Variants in RIMS2 observed in about 807,000 individuals in gnomAD.
RIMS2 encodes regulating synaptic membrane exocytosis 2, also known as regulating synaptic membrane exocytosis protein 2.
In RIMS2, 59 loss-of-function variants were observed where a neutral mutation model predicts 174.4. That is an observed-to-expected ratio of 0.34 (90% CI 0.27 to 0.42). The LOEUF is 0.42. Ranked by LOEUF, RIMS2 falls within the 10% of genes least tolerant of loss-of-function variation. The probability of loss-of-function intolerance (pLI) is 1.00; values close to 1 mark genes in which losing one functional copy is unlikely to be tolerated. For missense variants in RIMS2, 1,620 were observed against 1,666.3 expected (o/e 0.97, Z 0.48); for synonymous variants, 606 against 572.5 (o/e 1.06, Z -0.84).
At chr8:103,708,031 A>G (rs562222969) in intron 2 of RIMS2, among the ~76,000 whole-genome samples, 1 of 152,320 alleles carries the variant, frequency 6.6e-6, no homozygotes, top group East Asian at 1.9e-4. Context: ...TCTGCACTGT[A>G]TTGCCTGAAG....
chr8:104,062,134 A>T (rs1430463362), intron 19 of RIMS2, among the ~76,000 whole-genome samples: 1 of 152,268 alleles, frequency 6.6e-6, no homozygotes, highest in African/African-American at 2.4e-5. Flanking sequence ...GGTCAGGCGC[A>T]GTGGCTCTCG....
intron 3 of RIMS2, among the ~76,000 whole-genome samples, chr8:103,782,053 T>G (rs544595003): frequency 6.6e-6 from 1 of 150,828 alleles, no homozygotes; most frequent in East Asian, 1.9e-4. Context: ...TGGCCTTATC[T>G]CCCCTATTCT....
chr8:103,745,645 A>C (rs2097802607), intron 2 of RIMS2, among the ~76,000 whole-genome samples: 1 of 152,168 alleles, frequency 6.6e-6, no homozygotes, highest in Non-Finnish European at 1.5e-5. Flanking sequence ...TGTTCTTTTA[A>C]AAAATGACAT....
chr8:103,819,484 G>C, intron 3 of RIMS2: 1 of 1,610,120 alleles, frequency 6.2e-7, no homozygotes, highest in South Asian at 1.1e-5. Flanking sequence ...AAAAATAAGA[G>C]AAGGGGAAAA....
intron 4 of RIMS2, among the ~76,000 whole-genome samples, chr8:103,897,116 C>T (rs1388610286): frequency 6.6e-6 from 1 of 151,660 alleles, no homozygotes; most frequent in African/African-American, 2.4e-5. Context: ...TCCAGACATC[C>T]TTTTCTTCAA....
intron 19 of RIMS2, among the ~76,000 whole-genome samples, chr8:104,216,259 T>C (rs1452665354): frequency 6.6e-6 from 1 of 152,176 alleles, no homozygotes; most frequent in African/African-American, 2.4e-5. Flanking sequence ...TAAAAGTTCC[T>C]TGTTGTAATC....
At chr8:104,094,500 G>A in intron 19 of RIMS2, 1 of 680,826 alleles carries the variant, frequency 1.5e-6, no homozygotes, top group Non-Finnish European at 2.7e-6. Flanking sequence ...AGAAGAGGGA[G>A]GGAAAGAAGG....
intron 1 of RIMS2, among the ~76,000 whole-genome samples, chr8:103,651,771 A>T (rs1285712077): frequency 6.6e-6 from 1 of 152,122 alleles, no homozygotes; most frequent in Non-Finnish European, 1.5e-5. Flanking sequence ...CATTTGTAAG[A>T]CTTTTAAAAA....
chr8:103,675,318 T>C (rs1017457959), intron 1 of RIMS2, among the ~76,000 whole-genome samples: 4 of 152,214 alleles, frequency 2.6e-5, no homozygotes, highest in Admixed American at 2.6e-4. Context: ...AGGGCCCATC[T>C]GGGTCCTGAA....
At chr8:104,157,215 G>C (rs886212584) in intron 19 of RIMS2, among the ~76,000 whole-genome samples, 2 of 152,228 alleles carry the variant, frequency 1.3e-5, no homozygotes, top group African/African-American at 2.4e-5. Flanking sequence ...GTGAAAGCTG[G>C]TGTTAACATT....
intron 19 of RIMS2, among the ~76,000 whole-genome samples, chr8:104,109,820 A>G (rs572500119): frequency 6.6e-6 from 1 of 152,310 alleles, no homozygotes; most frequent in African/African-American, 2.4e-5. Flanking sequence ...GAGATTGTGG[A>G]CAATGTTTAT....
chr8:103,603,899 C>A (rs1182755564), intron 1 of RIMS2, among the ~76,000 whole-genome samples: 4 of 146,936 alleles, frequency 2.7e-5, no homozygotes, highest in East Asian at 1.9e-4. Flanking sequence ...TGGATATTAG[C>A]CCTTTGTCAG....
At chr8:103,555,073 A>G (rs1420644719) in intron 1 of RIMS2, among the ~76,000 whole-genome samples, 1 of 152,166 alleles carries the variant, frequency 6.6e-6, no homozygotes, top group African/African-American at 2.4e-5. Flanking sequence ...AAAACTACCT[A>G]TCATGTACTG....
chr8:104,005,677 T>G (rs560822118), intron 17 of RIMS2, among the ~76,000 whole-genome samples: 9 of 152,286 alleles, frequency 5.9e-5, no homozygotes, highest in Admixed American at 2.0e-4. Context: ...TGAATAGAAC[T>G]GATTAAATTA....
intron 1 of RIMS2, among the ~76,000 whole-genome samples, chr8:103,546,545 A>G (rs896416298): frequency 6.6e-6 from 1 of 152,328 alleles, no homozygotes; most frequent in East Asian, 1.9e-4. Context: ...ACAGACAGCT[A>G]CAGAACTCTT....
At chr8:103,748,833 T>C (rs1275261944) in intron 2 of RIMS2, among the ~76,000 whole-genome samples, 1 of 152,068 alleles carries the variant, frequency 6.6e-6, no homozygotes, top group Non-Finnish European at 1.5e-5. Flanking sequence ...AGAGTTTTAC[T>C]CTTGTTGCCC....
intron 1 of RIMS2, among the ~76,000 whole-genome samples, chr8:103,541,724 AT>A (rs758105128): frequency 6.6e-5 from 10 of 152,238 alleles, no homozygotes; most frequent in Non-Finnish European, 1.2e-4. Context: ...ACTATTAAAA[AT>A]AGTAATAGCT....
intron 1 of RIMS2, among the ~76,000 whole-genome samples, chr8:103,640,063 T>C (rs1038078481): frequency 3.3e-5 from 5 of 151,928 alleles, no homozygotes; most frequent in African/African-American, 1.2e-4. Context: ...TGTATTTGTT[T>C]GGTTTATGTA....
intron 19 of RIMS2, among the ~76,000 whole-genome samples, chr8:104,113,187 C>T (rs2098221666): frequency 2.0e-5 from 3 of 152,106 alleles, no homozygotes; most frequent in South Asian, 2.1e-4. Context: ...GTTGTCAAAT[C>T]AGGCTCATAA....
Sources: allele counts gnomAD v4.1 joint callset (sites outside exome capture counted in the v4.1 genomes callset), GRCh38; gene constraint gnomAD v4.1.1; transcripts MANE v1.5; gene names NCBI Gene and HGNC (gene_info 2026-07-23, HGNC 2026-07-21).